Variants in VWA3B observed in about 807,000 individuals in gnomAD.
VWA3B encodes the protein von Willebrand factor A domain containing 3B.
VWA3B carries 138 observed loss-of-function variants against 158.3 expected under a neutral mutation model. The observed-to-expected ratio is 0.87, with a 90% CI of 0.76 to 1.00. The LOEUF (loss-of-function observed/expected upper bound fraction) is 1.00. Ranked by LOEUF, VWA3B falls within the 50% of genes least tolerant of loss-of-function variation. The pLI is 0.00. For missense variants in VWA3B, 1,555 were observed against 1,565.1 expected, an observed-to-expected ratio of 0.99 and a Z score of 0.11; for synonymous variants, 596 against 587.3, an observed-to-expected ratio of 1.01 and a Z score of -0.21.
chr2:98,091,822 A>G (rs1682313131), intron 1 of VWA3B, among the ~76,000 whole-genome samples: 1 of 152,214 alleles, frequency 6.6e-6, no homozygotes, highest in Non-Finnish European at 1.5e-5. Context: ...AATTCAGGGT[A>G]TCAGTTTACA....
At chr2:98,229,482 A>C (rs571613828) in intron 15 of VWA3B, among the ~76,000 whole-genome samples, 2 of 152,332 alleles carry the variant, frequency 1.3e-5, no homozygotes, top group African/African-American at 2.4e-5. Context: ...TCAGCGCTTC[A>C]GAGAAGGTCA....
chr2:98,290,626 GT>G lies in VWA3B; in HGVS notation c.3157+17del, dbSNP rs368082214. 0.098 allele frequency: 124,231 copies of G among 1,263,230 alleles called. 499 individuals are homozygous for G. Among genetic ancestry groups the G allele is most frequent in the Non-Finnish European group, 0.11 (103,097 of 923,316 alleles). The allele number at this position is 1,263,230 out of a possible 1,614,324, so 78.3% of individuals were successfully genotyped here. On this transcript the variant is annotated splice_donor_5th_base_variant and intron_variant, in intron 23 of 27. Coordinates refer to ENST00000477737, the MANE Select transcript of VWA3B (RefSeq NM_144992.5). ...GAAAATGGCTTTTATTTTCCAGGTA[GT>G]TTTTTTTTTTTTAATTTCGTGAGGC... is the stretch of plus-strand genomic sequence containing the variant.
intron 15 of VWA3B, among the ~76,000 whole-genome samples, chr2:98,229,616 G>A (rs148390483): frequency 2.6e-5 from 4 of 152,206 alleles, no homozygotes; most frequent in Non-Finnish European, 4.4e-5. Context: ...ATAAGTGCTT[G>A]CTGGTAGACA....
At chr2:98,176,344 C>G (rs1680015970) in intron 8 of VWA3B, among the ~76,000 whole-genome samples, 1 of 140,580 alleles carries the variant, frequency 7.1e-6, no homozygotes, top group Non-Finnish European at 1.5e-5. Context: ...ATCATCACCA[C>G]TTAACATGTG....
chr2:98,233,541 C>T (rs1427823298), intron 16 of VWA3B, among the ~76,000 whole-genome samples: 3 of 152,180 alleles, frequency 2.0e-5, no homozygotes, highest in African/African-American at 7.2e-5. Flanking sequence ...CTCTTTTTCT[C>T]ACAGACATAG....
intron 2 of VWA3B, among the ~76,000 whole-genome samples, chr2:98,110,185 T>C (rs1674032146): frequency 6.6e-6 from 1 of 152,016 alleles, no homozygotes; most frequent in Admixed American, 6.6e-5. Context: ...CCTACATATC[T>C]GTAAGGCTCT....
At chr2:98,277,357 A>G (rs2105907536) in intron 22 of VWA3B, among the ~76,000 whole-genome samples, 1 of 152,280 alleles carries the variant, frequency 6.6e-6, no homozygotes, top group Middle Eastern at 3.4e-3. Context: ...GCCGGAGGGC[A>G]TCTGTGAATT....
At chr2:98,137,405 C>G (rs1676367913) in intron 7 of VWA3B, among the ~76,000 whole-genome samples, 1 of 152,106 alleles carries the variant, frequency 6.6e-6, no homozygotes, top group South Asian at 2.1e-4. Context: ...TTATTTTGAG[C>G]ATCTTTTCAT....
At chr2:98,302,407 T>C (rs1256418441) in intron 25 of VWA3B, among the ~76,000 whole-genome samples, 3 of 152,212 alleles carry the variant, frequency 2.0e-5, no homozygotes, top group Non-Finnish European at 4.4e-5. Context: ...GGTCTCACAA[T>C]TGTTTTTTAA....
At chr2:98,282,087 C>G (rs1032393938) in intron 22 of VWA3B, among the ~76,000 whole-genome samples, 1 of 152,184 alleles carries the variant, frequency 6.6e-6, no homozygotes, top group African/African-American at 2.4e-5. Context: ...GTACGGCACC[C>G]CGAAGTCTTT....
rs550742286 is a variant in VWA3B at position 98,279,090 on chromosome 2, T to C, written c.3045+8207T>C. 7.4e-5 allele frequency among the ~76,000 whole-genome samples: 11 copies of C among 149,208 alleles called. 1 individual carries two copies. The highest frequency in any genetic ancestry group is 6.6e-4 in the Admixed American group (10 of 15,190). On this transcript the variant is annotated intron_variant, in intron 22 of 27. Coordinates refer to ENST00000477737, the MANE Select transcript of VWA3B (RefSeq NM_144992.5). ...TGAAATCCCAGAGGCAGTGAGAGGA[T>C]GACAAAGAGAAAATGAAGCCCTTCA... is the stretch of plus-strand genomic sequence containing the variant.
chr2:98,328,711 T>A, the VWA3B span, among the ~76,000 whole-genome samples: 3 of 152,160 alleles, frequency 2.0e-5, no homozygotes, highest in African/African-American at 7.2e-5. Context: ...ATAAATCAAG[T>A]TCATAGATTG....
intron 8 of VWA3B, among the ~76,000 whole-genome samples, chr2:98,176,526 C>T (rs1680032606): frequency 6.8e-6 from 1 of 146,598 alleles, no homozygotes; most frequent in African/African-American, 2.5e-5. Context: ...CTCCCTCCTT[C>T]CTTCTTTCCT....
chr2:98,293,646 A>G (rs1345747764), intron 23 of VWA3B, among the ~76,000 whole-genome samples: 1 of 152,096 alleles, frequency 6.6e-6, no homozygotes, highest in African/African-American at 2.4e-5. Flanking sequence ...ATATACACAC[A>G]CCTTATTTTT....
the VWA3B span, among the ~76,000 whole-genome samples, chr2:98,328,420 TA>T: frequency 6.6e-6 from 1 of 152,282 alleles, no homozygotes; most frequent in African/African-American, 2.4e-5. Flanking sequence ...TTATATTTGC[TA>T]GGTCATAATT....
intron 19 of VWA3B, among the ~76,000 whole-genome samples, chr2:98,239,366 A>T (rs899308000): frequency 2.0e-5 from 3 of 151,756 alleles, no homozygotes; most frequent in Admixed American, 1.3e-4. Flanking sequence ...ATCGTGCTAA[A>T]TGAAATATCA....
intron 19 of VWA3B, among the ~76,000 whole-genome samples, chr2:98,244,390 CTTTT>C (rs1315690696): frequency 1.3e-5 from 2 of 151,552 alleles, no homozygotes; most frequent in Non-Finnish European, 3.0e-5. Flanking sequence ...AATTTCAATT[CTTTT>C]ATCATTTGTG....
chr2:98,170,929 C>T (rs1386012226), intron 8 of VWA3B, among the ~76,000 whole-genome samples: 1 of 152,140 alleles, frequency 6.6e-6, no homozygotes, highest in Admixed American at 6.6e-5. Flanking sequence ...CCTGGCTCTG[C>T]CCACTCCTGT....
chr2:98,117,748 CTT>C (rs35080840), intron 3 of VWA3B, among the ~76,000 whole-genome samples: 281 of 119,444 alleles, frequency 2.4e-3, no homozygotes, highest in African/African-American at 4.1e-3. Flanking sequence ...CTTAAATTAC[CTT>C]TTTTTTTTTT....
Sources: allele counts gnomAD v4.1 joint callset (sites outside exome capture counted in the v4.1 genomes callset), GRCh38; gene constraint gnomAD v4.1.1; transcripts MANE v1.5; gene names NCBI Gene and HGNC (gene_info 2026-07-23, HGNC 2026-07-21).